Variants in PBX1 observed in about 807,000 individuals in gnomAD.
The protein encoded by PBX1 is PBX homeobox 1, also known as pre-B-cell leukemia transcription factor 1.
PBX1 carries 6 observed loss-of-function variants against 53.4 expected under a neutral mutation model. That is an observed-to-expected ratio of 0.11 (90% CI 0.06 to 0.22). The LOEUF (loss-of-function observed/expected upper bound fraction) is 0.22. PBX1 is among the 10% of genes least tolerant of loss of function. The pLI, the probability that PBX1 is intolerant of heterozygous loss-of-function variation, is 1.00. For synonymous variants in PBX1, 204 were observed against 212.3 expected (o/e 0.96, Z 0.34); for missense variants, 251 against 551.4 (o/e 0.46, Z 5.46).
At chr1:164,588,605 T>C (rs1655126574) in intron 2 of PBX1, among the ~76,000 whole-genome samples, 2 of 150,780 alleles carry the variant, frequency 1.3e-5, no homozygotes, top group South Asian at 4.3e-4. Flanking sequence ...TTTCCCCACC[T>C]CTGGTTCCTT....
At chr1:164,693,580 G>A (rs1276525606) in intron 2 of PBX1, among the ~76,000 whole-genome samples, 1 of 152,142 alleles carries the variant, frequency 6.6e-6, no homozygotes, top group Non-Finnish European at 1.5e-5. Flanking sequence ...TCCATCGGCA[G>A]GGGAGCTACC....
intron 2 of PBX1, among the ~76,000 whole-genome samples, chr1:164,703,535 A>T (rs1663253980): frequency 6.6e-6 from 1 of 152,158 alleles, no homozygotes; most frequent in Non-Finnish European, 1.5e-5. Context: ...TATGTACAAA[A>T]TGGCTCCCTG....
chr1:164,847,476 T>A lies in PBX1; in HGVS notation c.*800T>A. 2 of 1,062,966 alleles carry A rather than the reference T, an allele frequency of 1.9e-6. No homozygotes were observed. Among genetic ancestry groups the A allele is most frequent in the Non-Finnish European group, 2.3e-6 (2 of 877,804 alleles). 65.8% of individuals were successfully genotyped at this position (1,062,966 alleles called of 1,614,324 possible). A position where few individuals can be genotyped will look rare whatever the true frequency, so the allele number is the denominator to read the frequency against. On this transcript the variant is annotated 3_prime_UTR_variant, in exon 9 of 9. Coordinates refer to ENST00000420696, the MANE Select transcript of PBX1 (RefSeq NM_002585.4). ...AGCTCTCAGTTTCAGAGGCACAGTCTTTGGAGACCATTCAGCACTGAGAAA... is the reference window on the plus strand; with the variant it reads ...AGCTCTCAGTTTCAGAGGCACAGTCATTGGAGACCATTCAGCACTGAGAAA...
intron 2 of PBX1, among the ~76,000 whole-genome samples, chr1:164,876,005 T>TATATATATATATATATAC (rs1487676214): frequency 3.5e-5 from 2 of 56,786 alleles, no homozygotes; most frequent in Non-Finnish European, 6.0e-5. Context: ...TATATATATA[T>TATATATATATATATATAC]ACACACATAC....
chr1:164,641,691 C>T (rs546571048), intron 2 of PBX1: 35 of 152,356 alleles, frequency 2.3e-4, no homozygotes, highest in African/African-American at 8.4e-4. Context: ...CCAGTACTTA[C>T]TCTTCTTTTG....
intron 2 of PBX1, among the ~76,000 whole-genome samples, chr1:164,718,829 T>C (rs1261617770): frequency 1.3e-5 from 2 of 152,204 alleles, no homozygotes; most frequent in Non-Finnish European, 2.9e-5. Context: ...TGTTTCAGAA[T>C]TTTAGATTTC....
At chr1:164,617,160 C>T (rs1487363102) in intron 2 of PBX1, among the ~76,000 whole-genome samples, 1 of 152,192 alleles carries the variant, frequency 6.6e-6, no homozygotes, top group East Asian at 1.9e-4. Flanking sequence ...ATAACTAAGA[C>T]TAATGTCTGT....
intron 2 of PBX1, among the ~76,000 whole-genome samples, chr1:164,878,035 A>T (rs1309758130): frequency 6.6e-6 from 1 of 152,184 alleles, no homozygotes. Context: ...TTATTTTGAG[A>T]TTCATCCAAT....
chr1:164,838,871 T>G (rs1671164995), intron 8 of PBX1, among the ~76,000 whole-genome samples: 1 of 152,180 alleles, frequency 6.6e-6, no homozygotes. Flanking sequence ...TTCAATCAAG[T>G]GCTTAATTGA....
At chr1:164,672,086 A>G (rs1036159620) in intron 2 of PBX1, among the ~76,000 whole-genome samples, 1 of 149,484 alleles carries the variant, frequency 6.7e-6, no homozygotes, top group Non-Finnish European at 1.5e-5. Flanking sequence ...CCACATATAC[A>G]GCCCTCCCTT....
chr1:164,608,614 T>C (rs769301217), intron 2 of PBX1, among the ~76,000 whole-genome samples: 3 of 152,236 alleles, frequency 2.0e-5, no homozygotes, highest in African/African-American at 4.8e-5. Context: ...TATTTATTAC[T>C]AAAAATTTGA....
chr1:164,594,542 A>G (rs1655624818), intron 2 of PBX1, among the ~76,000 whole-genome samples: 2 of 152,174 alleles, frequency 1.3e-5, no homozygotes, highest in Non-Finnish European at 2.9e-5. Context: ...TGGCCTCCCA[A>G]AGTGCTGGGA....
intron 2 of PBX1, among the ~76,000 whole-genome samples, chr1:164,588,856 C>A (rs2101762509): frequency 6.6e-6 from 1 of 152,256 alleles, no homozygotes; most frequent in African/African-American, 2.4e-5. Context: ...CCTCCTTTTC[C>A]TAACTGGGCT....
chr1:164,691,313 G>A (rs79074882), intron 2 of PBX1, among the ~76,000 whole-genome samples: 1,772 of 152,166 alleles, frequency 0.012, 21 homozygotes, highest in Non-Finnish European at 0.019. Context: ...TGTGCCCGGC[G>A]AGAGTTGTTT....
intron 8 of PBX1, among the ~76,000 whole-genome samples, chr1:164,843,015 C>T (rs1249644326): frequency 2.0e-5 from 3 of 150,404 alleles, no homozygotes; most frequent in African/African-American, 7.3e-5. Context: ...CACCCACAGT[C>T]GAGGTAGAGG....
intron 2 of PBX1, among the ~76,000 whole-genome samples, chr1:164,679,301 G>A (rs928875223): frequency 1.3e-5 from 2 of 152,164 alleles, no homozygotes; most frequent in Non-Finnish European, 2.9e-5. Flanking sequence ...TTGTTAGTTT[G>A]TTTGCACTGC....
intron 2 of PBX1, among the ~76,000 whole-genome samples, chr1:164,728,797 C>G (rs1664831260): frequency 6.6e-6 from 1 of 152,188 alleles, no homozygotes; most frequent in Non-Finnish European, 1.5e-5. Context: ...GGATGCATCT[C>G]TTTCCCGATA....
At chr1:164,564,563 T>C (rs1653296762) in intron 2 of PBX1, among the ~76,000 whole-genome samples, 1 of 152,180 alleles carries the variant, frequency 6.6e-6, no homozygotes, top group Non-Finnish European at 1.5e-5. Context: ...CTTTGTTGAA[T>C]GTTATTTGTG....
At chr1:164,775,057 C>CTGT (rs1460117833) in intron 2 of PBX1, among the ~76,000 whole-genome samples, 1 of 152,178 alleles carries the variant, frequency 6.6e-6, no homozygotes, top group African/African-American at 2.4e-5. Flanking sequence ...CTGTGCTTCG[C>CTGT]TACACCGAGG....
Sources: allele counts gnomAD v4.1 joint callset (sites outside exome capture counted in the v4.1 genomes callset), GRCh38; gene constraint gnomAD v4.1.1; transcripts MANE v1.5; gene names NCBI Gene and HGNC (gene_info 2026-07-23, HGNC 2026-07-21).